The following FASTK variants were observed in gnomAD, a reference collection of about 807,000 sequenced individuals.
FASTK encodes the protein fas-activated serine/threonine kinase.
A neutral mutation model predicts 60.0 loss-of-function variants in FASTK; 28 were observed. The observed-to-expected ratio is 0.47, with a 90% CI of 0.35 to 0.64. FASTK has a LOEUF of 0.64. FASTK is among the 30% of genes least tolerant of loss of function. The probability of loss-of-function intolerance (pLI) is 0.01; values close to 1 mark genes in which losing one functional copy is unlikely to be tolerated. For missense variants in FASTK, 595 were observed against 713.8 expected (o/e 0.83, Z 1.90); for synonymous variants, 325 against 307.9 (o/e 1.06, Z -0.58).
chr7:151,078,462 T>C, intron 4 of FASTK, 100 bp downstream of exon 4: 5 of 1,352,004 alleles, frequency 3.7e-6, no homozygotes, highest in Non-Finnish European at 5.2e-6. Context: ...AGAGGGTGTG[T>C]CTGCTTCAGG....
intron 6 of FASTK, 101 bp from the exon 7 acceptor site, chr7:151,077,502 G>A (rs1797730211): frequency 2.0e-6 from 3 of 1,516,934 alleles, no homozygotes; most frequent in South Asian, 1.2e-5. Context: ...TGCTGCTTCA[G>A]GGCCCAGTTT....
rs1049365 is a variant in FASTK, at chr7:151,079,816, C to G, written c.189G>C (p.Leu63Phe). The G allele has an allele frequency of 2.2e-5, 36 of 1,600,934 alleles. No individual in the cohort carries two copies. In the Admixed American group the frequency reaches 6.1e-4, roughly 27 times the overall value. ...GCCGGTCCCCCCATTTGCTGGGCCC[C>G]AAACAGCAGGGCTGTACTGGAGGGA... ...LLIPPVQPCC[L>F]GPSKWGDRPV... is the part of the protein sequence containing the mutation. The change falls in exon 2 of 10, where the codon TTG becomes TTC. Residue 63 changes from leucine (L) to phenylalanine (F), a missense_variant. Physicochemically the swap from Leu to Phe is conservative, Grantham distance 22. Transcript: ENST00000297532.
intron 3 of FASTK, 64 bp downstream of exon 3, chr7:151,078,776 CTG>C: frequency 1.9e-6 from 3 of 1,609,402 alleles, no homozygotes; most frequent in Non-Finnish European, 2.5e-6. Context: ...GCCCAGCCAA[CTG>C]AGCCCACCTT....
Position 151,079,938 on chromosome 7 carries a change from A to C in FASTK, c.83-16T>G. The C allele has an allele frequency of 6.4e-7, 1 of 1,558,600 alleles. No homozygotes were observed. Among genetic ancestry groups the C allele is most frequent in the Non-Finnish European group, 8.7e-7 (1 of 1,145,922 alleles). On this transcript the variant is annotated splice_polypyrimidine_tract_variant and intron_variant, in intron 1 of 9. Coordinates refer to ENST00000297532, the MANE Select transcript of FASTK (RefSeq NM_006712.5). ...GATGGAGACCCTGAGGGGCAGCCCA[A>C]AAAAGGGGGTGAGGTTTTCTCCAAA...
Position 151,077,254 on chromosome 7 carries a change from C to T in FASTK, c.1292-18G>A, listed in dbSNP as rs752924153. The T allele has an allele frequency of 2.7e-5, 43 of 1,611,992 alleles. No individual in the cohort carries two copies. Among genetic ancestry groups the T allele is most frequent in the East Asian group, 4.5e-5 (2 of 44,862 alleles). ...CAGGAAGTCTGGAGGGGAGCAGGGCCGGCGGCCTTAGCCAGGGCTCCGTCT... is the reference window on the plus strand; with the variant it reads ...CAGGAAGTCTGGAGGGGAGCAGGGCTGGCGGCCTTAGCCAGGGCTCCGTCT... On this transcript the variant is annotated intron_variant, in intron 7 of 9. Transcript: ENST00000297532.
chr7:151,077,540 G>A (rs1208457003), intron 6 of FASTK, 81 bp downstream of exon 6: 2 of 1,506,488 alleles, frequency 1.3e-6, no homozygotes, highest in East Asian at 2.3e-5. Flanking sequence ...CCTTAGCTTT[G>A]GCGCTTCATG....
chr7:151,077,221 G>C lies in FASTK; in HGVS notation c.1307C>G (p.Ala436Gly), dbSNP rs2288648. The change falls in exon 8 of 10, where the codon GCC becomes GGC. Residue 436 changes from alanine to glycine, a missense_variant. By Grantham distance (60) the Ala-to-Gly change is moderately conservative. Transcript: ENST00000297532. Reference protein sequence around the residue: ...PGYCTDFLLCASSSGAVLPVR... With the variant: ...PGYCTDFLLCGSSSGAVLPVR... Reference sequence around the variant, plus strand: ...GGGAAGCACAGCACCAGAGCTGCTGGCGCACAGCAGGAAGTCTGGAGGGGA... The same window carrying C: ...GGGAAGCACAGCACCAGAGCTGCTGCCGCACAGCAGGAAGTCTGGAGGGGA... The C allele has an allele frequency of 6.2e-7, 1 of 1,612,620 alleles. No homozygotes were observed.
rs569162348 is a variant in FASTK at position 151,080,809 on chromosome 7, T to G, written c.-43A>C. On this transcript the variant is annotated 5_prime_UTR_variant, in exon 1 of 10. Transcript: ENST00000297532. ...CGCCATCTTCCCAGCAGCCCCTAGATAGCCGCCCGGACGCCAATCCCGAAG... is the reference window on the plus strand; with the variant it reads ...CGCCATCTTCCCAGCAGCCCCTAGAGAGCCGCCCGGACGCCAATCCCGAAG... 36 of 1,164,380 alleles carry G rather than the reference T, an allele frequency of 3.1e-5. No homozygotes were observed. The highest frequency in any genetic ancestry group is 3.7e-5 in the Non-Finnish European group (34 of 917,458). The allele number at this position is 1,164,380 out of a possible 1,614,324, so 72.1% of individuals were successfully genotyped here. A position where few individuals can be genotyped will look rare whatever the true frequency, so the allele number is the denominator to read the frequency against.
intron 2 of FASTK, chr7:151,079,226 G>A (rs1257225128): frequency 1.7e-6 from 1 of 582,064 alleles, no homozygotes; most frequent in Non-Finnish European, 2.9e-6. Flanking sequence ...TACATACAAA[G>A]ATGGCAAATA....
intron 4 of FASTK, 47 bp from the exon 5 acceptor site, chr7:151,078,139 G>A: frequency 7.0e-7 from 1 of 1,420,260 alleles, no homozygotes; most frequent in African/African-American, 1.4e-5. Context: ...TATTTCTGCA[G>A]TCATCTTTTA....
chr7:151,077,482 C>A (rs1463614239), intron 6 of FASTK, 81 bp from the exon 7 acceptor site: 6 of 1,538,890 alleles, frequency 3.9e-6, no homozygotes, highest in Non-Finnish European at 5.3e-6. Flanking sequence ...CCACCCTGGG[C>A]AAAGCCCTCT....
Position 151,078,636 on chromosome 7 carries a change from G to T in FASTK, c.751C>A (p.Arg251=), listed in dbSNP as rs1463415685. The change falls in exon 4 of 10, where the codon CGG becomes AGG. Residue 251 remains arginine, a synonymous_variant. Transcript: ENST00000297532. ...VLLAQHLARH[R]LREPQLLEAI... ...TCCAGAAGCTGGGGCTCCCGCAACC[G>T]GTGCCGGGCCAGGTGCTGGGCCAGG... 1.2e-6 allele frequency: 2 copies of T among 1,613,468 alleles called. No homozygotes were observed. Among genetic ancestry groups the T allele is most frequent in the Admixed American group, 1.7e-5 (1 of 60,014 alleles).
rs367585297 is a variant in FASTK, at chr7:151,077,946, T to A, written c.972A>T (p.Gln324His). Residue 324 changes from glutamine to histidine, a missense_variant, in exon 5 of 10, where the codon CAA becomes CAT. Coordinates refer to ENST00000297532, the MANE Select transcript of FASTK (RefSeq NM_006712.5). ...GGGCTCTGAAGGGCAGGCACCGCAGTTGGCACAGTGACATCAAGATGTTGA... is the reference window on the plus strand; with the variant it reads ...GGGCTCTGAAGGGCAGGCACCGCAGATGGCACAGTGACATCAAGATGTTGA... ...ATVNILMSLC[Q>H]LRCLPFRALH... The A allele has an allele frequency of 3.1e-6, 5 of 1,613,910 alleles. No homozygotes were observed. Among genetic ancestry groups the A allele is most frequent in the Non-Finnish European group, 4.2e-6 (5 of 1,179,958 alleles).
intron 6 of FASTK, 68 bp from the exon 7 acceptor site, chr7:151,077,469 C>T: frequency 1.3e-6 from 2 of 1,553,832 alleles, no homozygotes; most frequent in Non-Finnish European, 8.8e-7. Context: ...CAGTCTAGTG[C>T]CACCACCCTG....
chr7:151,079,382 G>C, intron 2 of FASTK, 118 bp downstream of exon 2: 1 of 1,001,832 alleles, frequency 1.0e-6, no homozygotes, highest in Non-Finnish European at 1.4e-6. Flanking sequence ...GGGAGCAGGA[G>C]CAAGCGTTCC....
At chr7:151,078,493 CG>C in intron 4 of FASTK, 68 bp downstream of exon 4, 1 of 1,552,516 alleles carries the variant, frequency 6.4e-7, no homozygotes, top group Non-Finnish European at 8.8e-7. Context: ...CCGAGCTGCA[CG>C]AGGCGCTGGG....
At chr7:151,080,377 G>C in intron 1 of FASTK, 5 of 918,296 alleles carry the variant, frequency 5.4e-6, no homozygotes, top group Non-Finnish European at 7.1e-6. Flanking sequence ...GGCACAGAGG[G>C]TGGAACGCGG....
intron 1 of FASTK, 173 bp downstream of exon 1, chr7:151,080,512 C>A: frequency 7.8e-7 from 1 of 1,289,140 alleles, no homozygotes; most frequent in Non-Finnish European, 9.8e-7. Context: ...CAGCGCCCAC[C>A]TCGCAGGGCG....
Position 151,076,833 on chromosome 7 carries a change from C to A in FASTK, c.1543-1G>T. ...GGGACTCCAGTTCCTCGAAGGGTAG[C>A]TGTGGGGAGAGGAGAGGGCGGCAGG... On this transcript the variant is annotated splice_acceptor_variant, in intron 9 of 9. Transcript: ENST00000297532. LOFTEE classifies it high-confidence loss of function. 6.2e-7 allele frequency: 1 copy of A among 1,609,030 alleles called. No homozygotes were observed. The highest frequency in any genetic ancestry group is 1.1e-5 in the South Asian group (1 of 90,262).
Sources: gnomAD v4.1 joint callset for allele counts on GRCh38, gnomAD v4.1.1 for gene constraint, MANE v1.5 for transcripts, NCBI Gene and HGNC (gene_info 2026-07-23, HGNC 2026-07-21) for gene names.